DLG2: variants seen among roughly 807,000 people sequenced by gnomAD.
The protein encoded by DLG2 is disks large homolog 2.
DLG2 carries 45 observed loss-of-function variants against 132.5 expected under a neutral mutation model. That is an observed-to-expected ratio of 0.34 (90% CI 0.27 to 0.44). The LOEUF is 0.44. Among genes scored for constraint, DLG2 ranks in the 20% least tolerant of loss-of-function variants. DLG2 has a pLI of 1.00. For missense variants in DLG2, 1,045 were observed against 1,196.9 expected (o/e 0.87, Z 1.87); for synonymous variants, 424 against 419.6 (o/e 1.01, Z -0.13).
chr11:84,794,618 G>C (rs960427605), intron 6 of DLG2, among the ~76,000 whole-genome samples: 1 of 152,226 alleles, frequency 6.6e-6, no homozygotes, highest in South Asian at 2.1e-4. Context: ...TCTCTGCACT[G>C]TTGGGTGTCC....
chr11:83,850,160 G>GTGTGTGTGTGTGTGTGTGTGTGT (rs1452960432), intron 16 of DLG2, among the ~76,000 whole-genome samples: 1 of 124,302 alleles, frequency 8.0e-6, no homozygotes, highest in Non-Finnish European at 1.7e-5. Context: ...GTGTGTGTGT[G>GTGTGTGTGTGTGTGTGTGTGTGT]TTTTTTTACT....
intron 3 of DLG2, among the ~76,000 whole-genome samples, chr11:85,536,598 T>C (rs1320539770): frequency 6.6e-6 from 1 of 152,202 alleles, no homozygotes; most frequent in Non-Finnish European, 1.5e-5. Flanking sequence ...GCCGGCTCCC[T>C]CTGCTCACAG....
chr11:83,760,469 C>CTT (rs202170665), intron 18 of DLG2, among the ~76,000 whole-genome samples: 9 of 146,082 alleles, frequency 6.2e-5, no homozygotes, highest in African/African-American at 7.5e-5. Context: ...TCCATCTATT[C>CTT]TTTTTTTTTT....
chr11:83,732,686 A>C (rs1417674152), intron 18 of DLG2, among the ~76,000 whole-genome samples: 3 of 152,232 alleles, frequency 2.0e-5, no homozygotes, highest in Non-Finnish European at 4.4e-5. Context: ...CTGCAAATTA[A>C]ACAATCTAAA....
intron 3 of DLG2, among the ~76,000 whole-genome samples, chr11:85,491,414 G>A (rs1474561191): frequency 6.6e-6 from 1 of 152,106 alleles, no homozygotes; most frequent in Non-Finnish European, 1.5e-5. Flanking sequence ...GGAAGTTCTA[G>A]CCAGAGCAAT....
At chr11:83,940,360 AAATAAT>A (rs2082370665) in intron 14 of DLG2, among the ~76,000 whole-genome samples, 1 of 152,188 alleles carries the variant, frequency 6.6e-6, no homozygotes, top group African/African-American at 2.4e-5. Flanking sequence ...GATGTATTTT[AAATAAT>A]AATAACAACT....
chr11:83,812,825 C>G (rs547645122), intron 17 of DLG2, among the ~76,000 whole-genome samples: 3 of 152,114 alleles, frequency 2.0e-5, no homozygotes, highest in Non-Finnish European at 4.4e-5. Context: ...TTGAGGTCAG[C>G]TTTTATCTGG....
intron 8 of DLG2, among the ~76,000 whole-genome samples, chr11:84,169,980 G>T (rs1263430950): frequency 6.6e-6 from 1 of 151,876 alleles, no homozygotes; most frequent in Non-Finnish European, 1.5e-5. Context: ...ATGTTGCTCT[G>T]CTATTGGCAC....
intron 3 of DLG2, among the ~76,000 whole-genome samples, chr11:85,293,855 G>A (rs2079056915): frequency 6.6e-6 from 1 of 152,082 alleles, no homozygotes; most frequent in South Asian, 2.1e-4. Flanking sequence ...AATATTCTTG[G>A]TTTTAGAAAA....
intron 11 of DLG2, among the ~76,000 whole-genome samples, chr11:83,982,719 T>C (rs1297990736): frequency 2.0e-5 from 3 of 152,158 alleles, no homozygotes; most frequent in African/African-American, 4.8e-5. Context: ...AATAATGTAC[T>C]AGGACTTCAC....
chr11:83,623,645 C>T (rs914304853), intron 19 of DLG2, among the ~76,000 whole-genome samples: 1 of 152,190 alleles, frequency 6.6e-6, no homozygotes, highest in East Asian at 1.9e-4. Context: ...CTTAATACCA[C>T]TTTCTATTTA....
At chr11:84,833,493 G>T (rs1218646714) in intron 6 of DLG2, among the ~76,000 whole-genome samples, 1 of 151,428 alleles carries the variant, frequency 6.6e-6, no homozygotes, top group Non-Finnish European at 1.5e-5. Context: ...ACATCCTATA[G>T]AACTGTGACT....
At chr11:83,559,051 T>C (rs752592388) in intron 19 of DLG2, among the ~76,000 whole-genome samples, 6 of 152,064 alleles carry the variant, frequency 3.9e-5, no homozygotes, top group Non-Finnish European at 5.9e-5. Context: ...ATTCCAATCA[T>C]GGGGAACCAG....
chr11:85,070,249 A>G (rs1374504923), intron 6 of DLG2, among the ~76,000 whole-genome samples: 1 of 151,484 alleles, frequency 6.6e-6, no homozygotes, highest in Non-Finnish European at 1.5e-5. Flanking sequence ...ACATGTATAC[A>G]TATGTAACAA....
At position 83,605,068 on chromosome 11, in the gene DLG2, G is replaced by A. The variant is rs145489752; in HGVS notation, c.1940+28143C>T. Among the ~76,000 whole-genome samples, 740 of 141,956 alleles carry A rather than the reference G, an allele frequency of 5.2e-3. 3 individuals carry two copies. Among genetic ancestry groups the A allele is most frequent in the Admixed American group, 9.1e-3 (130 of 14,290 alleles). 93.1% of individuals were successfully genotyped at this position (141,956 alleles called of 152,430 possible). ...TTGATTCACAGCAACCAATCAGAAG[G>A]GGCCCAGTTTAACAGAGCCAGAAGG... On this transcript the variant is annotated intron_variant, in intron 19 of 27. Coordinates refer to ENST00000376104, the MANE Select transcript of DLG2 (RefSeq NM_001142699.3).
intron 6 of DLG2, among the ~76,000 whole-genome samples, chr11:84,584,255 T>C: frequency 6.6e-6 from 1 of 152,190 alleles, no homozygotes; most frequent in Non-Finnish European, 1.5e-5. Context: ...ATTCCTTTCT[T>C]ATACGTGAGG....
intron 11 of DLG2, among the ~76,000 whole-genome samples, chr11:84,024,614 T>C (rs1042218016): frequency 2.0e-5 from 3 of 152,102 alleles, no homozygotes; most frequent in Non-Finnish European, 4.4e-5. Context: ...ACAACATAGA[T>C]GGAATTGGAG....
intron 6 of DLG2, among the ~76,000 whole-genome samples, chr11:85,055,009 A>C (rs1345339226): frequency 6.6e-6 from 1 of 152,164 alleles, no homozygotes; most frequent in Non-Finnish European, 1.5e-5. Flanking sequence ...CCCTGAATCT[A>C]AAATAAAAGA....
chr11:83,505,812 T>C, intron 21 of DLG2, among the ~76,000 whole-genome samples: 1 of 152,200 alleles, frequency 6.6e-6, no homozygotes. Flanking sequence ...GGGGCTGTAG[T>C]GCTGCAGCTG....
Sources: allele counts gnomAD v4.1 joint callset (sites outside exome capture counted in the v4.1 genomes callset), GRCh38; gene constraint gnomAD v4.1.1; transcripts MANE v1.5; gene names NCBI Gene and HGNC (gene_info 2026-07-23, HGNC 2026-07-21).